The following LHFPL3 variants were observed in gnomAD, a reference collection of about 807,000 sequenced individuals.
LHFPL3 encodes LHFPL tetraspan subfamily member 3 protein.
Under a neutral mutation model 19.3 loss-of-function variants are expected in LHFPL3, and 5 were observed. That is an observed-to-expected ratio of 0.26 (90% confidence interval 0.14 to 0.54). LHFPL3 has a LOEUF of 0.54. Among genes scored for constraint, LHFPL3 ranks in the 20% least tolerant of loss-of-function variants. LHFPL3 has a pLI of 0.94. For synonymous variants in LHFPL3, 133 were observed against 126.2 expected, an observed-to-expected ratio of 1.05 and a Z score of -0.36; for missense variants, 249 against 307.4, an observed-to-expected ratio of 0.81 and a Z score of 1.42.
At chr7:104,530,961 A>G (rs1413466927) in intron 1 of LHFPL3, among the ~76,000 whole-genome samples, 2 of 152,174 alleles carry the variant, frequency 1.3e-5, no homozygotes, top group African/African-American at 4.8e-5. Context: ...CGATTGCTCT[A>G]GTGGGAAGTG....
intron 1 of LHFPL3, among the ~76,000 whole-genome samples, chr7:104,440,145 C>A (rs188114250): frequency 1.2e-3 from 184 of 149,366 alleles, no homozygotes; most frequent in South Asian, 5.8e-3. Context: ...ACTTGCACAT[C>A]GTGCACATGT....
At chr7:104,548,956 G>T (rs1794620778) in intron 1 of LHFPL3, among the ~76,000 whole-genome samples, 1 of 152,018 alleles carries the variant, frequency 6.6e-6, no homozygotes, top group Non-Finnish European at 1.5e-5. Context: ...AGCCTCTAAG[G>T]GATTCTTTGG....
At chr7:104,528,213 T>C (rs1389079222) in intron 1 of LHFPL3, among the ~76,000 whole-genome samples, 1 of 152,226 alleles carries the variant, frequency 6.6e-6, no homozygotes, top group African/African-American at 2.4e-5. Flanking sequence ...CTTTTGGGTA[T>C]AACAGCCACC....
intron 2 of LHFPL3, among the ~76,000 whole-genome samples, chr7:104,821,665 A>C (rs1413778243): frequency 6.6e-6 from 1 of 152,142 alleles, no homozygotes; most frequent in Non-Finnish European, 1.5e-5. Flanking sequence ...AATTCAGCAT[A>C]ATCTACAGTG....
intron 2 of LHFPL3, among the ~76,000 whole-genome samples, chr7:104,837,574 G>A (rs895460814): frequency 1.3e-5 from 2 of 152,158 alleles, no homozygotes; most frequent in African/African-American, 4.8e-5. Context: ...TGAGGAGGTT[G>A]AGTAGTTCAC....
chr7:104,451,806 A>G (rs1792444671), intron 1 of LHFPL3, among the ~76,000 whole-genome samples: 1 of 151,738 alleles, frequency 6.6e-6, no homozygotes, highest in African/African-American at 2.4e-5. Flanking sequence ...GTGCAGTGGC[A>G]TGATCTCGGC....
chr7:104,337,910 A>C (rs2116359092), intron 1 of LHFPL3, among the ~76,000 whole-genome samples: 1 of 152,260 alleles, frequency 6.6e-6, no homozygotes, highest in East Asian at 1.9e-4. Flanking sequence ...GGTATGTTAT[A>C]AAAACCTTCA....
Position 104,836,812 on chromosome 7 carries a change from G to GGTTT in LHFPL3, c.683-69371_683-69368dup, listed in dbSNP as rs572085308. 1.6e-3 allele frequency among the ~76,000 whole-genome samples: 241 copies of GGTTT among 152,244 alleles called. 1 individual carries two copies. The highest frequency in any genetic ancestry group is 5.5e-3 in the African/African-American group (230 of 41,544). ...GATCTCAAGAATATTTGACTATTTT[G>GGTTT]GTTTGTTAGTCTACACAGAGTTGCT... is the stretch of plus-strand genomic sequence containing the variant. On this transcript the variant is annotated intron_variant, in intron 2 of 2. Transcript: ENST00000424859.
chr7:104,578,275 G>A (rs376231944), intron 1 of LHFPL3, among the ~76,000 whole-genome samples: 15 of 152,196 alleles, frequency 9.9e-5, no homozygotes, highest in Non-Finnish European at 5.9e-5. Context: ...GCTTAGCTGC[G>A]CTGTGATGGG....
At chr7:104,643,498 A>G (rs1791874196) in intron 1 of LHFPL3, among the ~76,000 whole-genome samples, 1 of 152,146 alleles carries the variant, frequency 6.6e-6, no homozygotes, top group Non-Finnish European at 1.5e-5. Flanking sequence ...TTTTGTATGG[A>G]TTTTCTTGAA....
Position 104,647,117 on chromosome 7 carries a change from A to G in LHFPL3, c.446-89558A>G, listed in dbSNP as rs1299959190. 2.6e-5 allele frequency among the ~76,000 whole-genome samples: 4 copies of G among 152,360 alleles called. No homozygotes were observed. In the South Asian group the frequency reaches 8.3e-4, roughly 32 times the overall value. ...AATTAGTTACTTCTTTTCATTTAGC[A>G]TAACAAAAGCACCAATCTTCCTGTT... is the stretch of plus-strand genomic sequence containing the variant. On this transcript the variant is annotated intron_variant, in intron 1 of 2. Transcript: ENST00000424859.
intron 1 of LHFPL3, among the ~76,000 whole-genome samples, chr7:104,678,081 T>A (rs1443691283): frequency 6.6e-6 from 1 of 152,134 alleles, no homozygotes; most frequent in Non-Finnish European, 1.5e-5. Context: ...TTCCTAGGAG[T>A]TTATTTCCAA....
At chr7:104,364,071 G>A (rs1790439450) in intron 1 of LHFPL3, among the ~76,000 whole-genome samples, 1 of 152,208 alleles carries the variant, frequency 6.6e-6, no homozygotes, top group African/African-American at 2.4e-5. Flanking sequence ...AGAGTCGCAA[G>A]GAGAGTGCTC....
At chr7:104,751,436 G>C (rs563115571) in intron 2 of LHFPL3, among the ~76,000 whole-genome samples, 1 of 116,536 alleles carries the variant, frequency 8.6e-6, no homozygotes, top group African/African-American at 3.2e-5. Context: ...TTGCTCAATG[G>C]CCTCATTTTG....
intron 1 of LHFPL3, among the ~76,000 whole-genome samples, chr7:104,494,713 T>C (rs1472391957): frequency 6.6e-6 from 1 of 152,086 alleles, no homozygotes; most frequent in East Asian, 1.9e-4. Flanking sequence ...CCTTCCTTGC[T>C]TGCACCCTCA....
chr7:104,477,716 T>A (rs1793050503), intron 1 of LHFPL3, among the ~76,000 whole-genome samples: 1 of 151,322 alleles, frequency 6.6e-6, no homozygotes, highest in African/African-American at 2.4e-5. Context: ...TTTACCTATG[T>A]AATGAACCTG....
intron 1 of LHFPL3, among the ~76,000 whole-genome samples, chr7:104,358,664 G>A (rs566642757): frequency 1.2e-4 from 19 of 152,194 alleles, no homozygotes; most frequent in African/African-American, 4.1e-4. Flanking sequence ...GAGATCTTCA[G>A]ATACAAGAAG....
intron 1 of LHFPL3, among the ~76,000 whole-genome samples, chr7:104,596,451 T>A (rs1197681461): frequency 2.0e-5 from 3 of 152,252 alleles, no homozygotes; most frequent in Non-Finnish European, 1.5e-5. Context: ...GATTTATTGA[T>A]GGTTACAAGT....
At chr7:104,715,796 G>T (rs1275242155) in intron 1 of LHFPL3, among the ~76,000 whole-genome samples, 1 of 152,146 alleles carries the variant, frequency 6.6e-6, no homozygotes, top group Non-Finnish European at 1.5e-5. Flanking sequence ...CAGTTTGTTG[G>T]TATTTTGTTG....
Sources: gnomAD v4.1 joint callset for allele counts (sites outside exome capture counted in the v4.1 genomes callset) on GRCh38, gnomAD v4.1.1 for gene constraint, MANE v1.5 for transcripts, NCBI Gene and HGNC (gene_info 2026-07-23, HGNC 2026-07-21) for gene names.